The following IL17RE variants were observed in gnomAD, a reference collection of about 807,000 sequenced individuals.
The protein encoded by IL17RE is interleukin-17 receptor E.
In IL17RE, 47 loss-of-function variants were observed where a neutral mutation model predicts 70.7. The observed-to-expected ratio is 0.67, with a 90% CI of 0.53 to 0.85. The LOEUF is 0.85. Among genes scored for constraint, IL17RE ranks in the 40% least tolerant of loss-of-function variants. The pLI is 0.00. For missense variants in IL17RE, 850 were observed against 893.9 expected, an observed-to-expected ratio of 0.95 and a Z score of 0.63; for synonymous variants, 372 against 381.2, an observed-to-expected ratio of 0.98 and a Z score of 0.28.
At position 9,915,553 on chromosome 3, in the gene IL17RE, GC is replaced by G; in HGVS notation, c.1754del (p.Pro585ArgfsTer66). ...AAPLLALLHAAPRPLLLLAYF... is the reference protein window; with the variant it reads ...AAPLLALLHAXPRPLLLLAYF... ...GCCCCTGCTCGCCCTGCTCCACGCT[GC>G]CCCGCGCCCGCTGCTGCTGCTCGCT... is the stretch of plus-strand genomic sequence containing the variant. On this transcript the variant is annotated frameshift_variant, in exon 16 of 16. Transcript: ENST00000383814. LOFTEE classifies it low-confidence loss of function (END_TRUNC). This position sits in a 1 kb window ranked among gnomAD's most constrained non-coding sequence, Gnocchi z 4.9. 7.1e-7 allele frequency: 1 copy of G among 1,404,928 alleles called. No homozygotes were observed. The highest frequency in any genetic ancestry group is 9.2e-7 in the Non-Finnish European group (1 of 1,082,000). The allele number at this position is 1,404,928 out of a possible 1,614,324, so 87.0% of individuals were successfully genotyped here. A position where few individuals can be genotyped will look rare whatever the true frequency, so the allele number is the denominator to read the frequency against.
At chr3:9,911,628 C>CT in intron 12 of IL17RE, 31 bp downstream of exon 12, 1 of 1,593,576 alleles carries the variant, frequency 6.3e-7, no homozygotes, top group Non-Finnish European at 8.6e-7. Context: ...GGTCCTATTG[C>CT]TCAGAGCACA....
Position 9,903,078 on chromosome 3 carries a change from GCCA to G in IL17RE, c.132+15_132+17del. Reference sequence around the variant, plus strand: ...GCCTCCCACACGGTAAGGTGCTGCTGCCAGGTAGGGACACCTGCCTGGCACAGC... The same window carrying G: ...GCCTCCCACACGGTAAGGTGCTGCTGGGTAGGGACACCTGCCTGGCACAGC... On this transcript the variant is annotated intron_variant, in intron 1 of 15. Coordinates refer to ENST00000383814, the MANE Select transcript of IL17RE (RefSeq NM_153480.2). 3.7e-6 allele frequency: 6 copies of G among 1,606,346 alleles called. No homozygotes were observed. The highest frequency in any genetic ancestry group is 5.1e-6 in the Non-Finnish European group (6 of 1,173,218).
In IL17RE at chr3:9,915,154, A is replaced by G; in HGVS notation, c.1448-97A>G. The G allele has an allele frequency of 7.5e-7, 1 of 1,329,212 alleles. No individual in the cohort carries two copies. The highest frequency in any genetic ancestry group is 2.0e-5 in the South Asian group (1 of 49,352). 82.3% of individuals were successfully genotyped at this position (1,329,212 alleles called of 1,614,324 possible). On this transcript the variant is annotated intron_variant, in intron 15 of 15. Transcript: ENST00000383814. The surrounding 1 kb of genome is among the most constrained non-coding windows in gnomAD (Gnocchi z 4.9). ...AAATAAGGGGCGGGGGCGGGGGCGG[A>G]GAGGCGAGCACCCTACGGTATCCCG...
In IL17RE at chr3:9,903,885, A is replaced by G. The variant is rs113690033; in HGVS notation, c.149-147A>G. 1.3e-3 allele frequency: 1,230 copies of G among 933,738 alleles called. 10 individuals are homozygous for G. The African/African-American group carries it at 0.018, about 14-fold the overall frequency. 57.8% of individuals were successfully genotyped at this position (933,738 alleles called of 1,614,324 possible). On this transcript the variant is annotated intron_variant, in intron 2 of 15. Coordinates refer to ENST00000383814, the MANE Select transcript of IL17RE (RefSeq NM_153480.2). ...TTTTTATAACAGACCCGCTTTATGA[A>G]TGAGGAATCTGATCCTTAGACAGGT... is the stretch of plus-strand genomic sequence containing the variant.
At chr3:9,914,464 C>T (rs748061390) in intron 13 of IL17RE, 84 bp from the exon 14 acceptor site, 5 of 1,580,964 alleles carry the variant, frequency 3.2e-6, no homozygotes, top group South Asian at 1.2e-5. Context: ...GGGGACTCCC[C>T]TCTCCCCCAG....
In IL17RE at chr3:9,914,694, TG is replaced by T; in HGVS notation, c.1368del (p.Leu457SerfsTer2). Reference sequence around the variant, plus strand: ...CTTGACTCAGTCTCTTACAGACACCTGGGGCTCTTGATCCTGGCACTGCTGG... The same window carrying T: ...CTTGACTCAGTCTCTTACAGACACCTGGGCTCTTGATCCTGGCACTGCTGG... ...LLCPDVSYRH[L>X]GLLILALLAL... On this transcript the variant is annotated frameshift_variant, in exon 15 of 16. Transcript: ENST00000383814. LOFTEE classifies it high-confidence loss of function. 1 of 1,614,132 alleles carries T rather than the reference TG, an allele frequency of 6.2e-7. No homozygotes were observed. The highest frequency in any genetic ancestry group is 1.3e-5 in the African/African-American group (1 of 75,022).
Position 9,915,673 on chromosome 3 carries a change from C to G in IL17RE, c.1870C>G (p.Arg624Gly). The G allele has an allele frequency of 1.4e-6, 2 of 1,390,776 alleles. No individual in the cohort carries two copies. Among genetic ancestry groups the G allele is most frequent in the Non-Finnish European group, 1.8e-6 (2 of 1,082,248 alleles). The allele number at this position is 1,390,776 out of a possible 1,614,324, so 86.2% of individuals were successfully genotyped here. Reference protein sequence around the residue: ...RLLRDLPRLLRALDARPFAEA... With the variant: ...RLLRDLPRLLGALDARPFAEA... Reference sequence around the variant, plus strand: ...GCTGCGCGACCTGCCGCGTCTGCTGCGGGCGCTGGACGCGCGGCCTTTCGC... The same window carrying G: ...GCTGCGCGACCTGCCGCGTCTGCTGGGGGCGCTGGACGCGCGGCCTTTCGC... Residue 624 changes from arginine to glycine, a missense_variant, in exon 16 of 16, where the codon CGG becomes GGG. By Grantham distance (125) the Arg-to-Gly change is moderately radical (BLOSUM62 -2). Transcript: ENST00000383814. This position sits in a 1 kb window ranked among gnomAD's most constrained non-coding sequence, Gnocchi z 4.9.
chr3:9,915,386 A>G lies in IL17RE; in HGVS notation c.1583A>G (p.Glu528Gly). The G allele has an allele frequency of 7.3e-7, 1 of 1,365,148 alleles. No homozygotes were observed. The highest frequency in any genetic ancestry group is 9.4e-7 in the Non-Finnish European group (1 of 1,069,424). The allele number at this position is 1,365,148 out of a possible 1,614,324, so 84.6% of individuals were successfully genotyped here. The change falls in exon 16 of 16, where the codon GAG (glutamate) becomes GGG (glycine). Residue 528 changes from glutamate (E) to glycine (G), a missense_variant. Physicochemically the swap from Glu to Gly is moderately conservative, Grantham distance 98 (BLOSUM62 -2). Coordinates refer to ENST00000383814, the MANE Select transcript of IL17RE (RefSeq NM_153480.2). The surrounding 1 kb of genome is among the most constrained non-coding windows in gnomAD (Gnocchi z 4.9). ...GGRDVIVDLW[E>G]GRHVARVGPL... is the part of the protein sequence containing the mutation. ...CGCGACGTGATCGTGGACCTGTGGG[A>G]GGGGAGGCACGTGGCGCGCGTGGGC...
At chr3:9,903,205 TAGCCA>T in intron 1 of IL17RE, 141 bp downstream of exon 1, 1 of 962,196 alleles carries the variant, frequency 1.0e-6, no homozygotes, top group East Asian at 2.5e-5. Context: ...CTCAAAGGGG[TAGCCA>T]AGGTCCTTTG....
Position 9,904,048 on chromosome 3 carries a change from C to T in IL17RE, c.165C>T (p.Ile55=), listed in dbSNP as rs748629509. The change falls in exon 3 of 16, where the codon ATC becomes ATT. Residue 55 remains isoleucine (I), a synonymous_variant. Coordinates refer to ENST00000383814, the MANE Select transcript of IL17RE (RefSeq NM_153480.2). ...CTTTCCCAGGAAGTTCTGCCTATAT[C>T]CCTTGCCGCACCTGGTGGGCCCTCT... The part of the protein sequence containing the change: ...DDSFTGSSAY[I]PCRTWWALFS... The T allele has an allele frequency of 1.2e-6, 2 of 1,614,152 alleles. No individual in the cohort carries two copies. Among genetic ancestry groups the T allele is most frequent in the Non-Finnish European group, 1.7e-6 (2 of 1,180,004 alleles).
chr3:9,914,629 G>A, intron 14 of IL17RE, 30 bp downstream of exon 14: 2 of 1,613,308 alleles, frequency 1.2e-6, no homozygotes, highest in Non-Finnish European at 8.5e-7. Context: ...GAGGTAAGAG[G>A]GAGGCTGGGC....
intron 8 of IL17RE, chr3:9,909,642 A>T: frequency 8.5e-6 from 2 of 236,430 alleles, no homozygotes; most frequent in Middle Eastern, 1.4e-3. Context: ...GTAAAATCTC[A>T]ATACCTGCTC....
At chr3:9,902,801 G>T (rs2082665564), upstream of IL17RE, 1 of 1,559,704 alleles carries the variant, frequency 6.4e-7, no homozygotes, top group African/African-American at 1.4e-5. Flanking sequence ...GAGCTTTCGG[G>T]CAGGGCGGGG....
chr3:9,915,331 G>T lies in IL17RE; in HGVS notation c.1528G>T (p.Glu510Ter). The change falls in exon 16 of 16, where the codon GAA (glutamate) becomes TAA (stop). Residue 510 changes from glutamate to a stop codon, truncating the protein, a stop_gained. Transcript: ENST00000383814. LOFTEE classifies it low-confidence loss of function (END_TRUNC). This position sits in a 1 kb window ranked among gnomAD's most constrained non-coding sequence, Gnocchi z 4.9. ...AQRRLVGALA[E>*]LLRAALGGGR... Reference sequence around the variant, plus strand: ...GCGGCGCCTGGTGGGAGCGCTGGCTGAACTGCTACGGGCAGCGCTGGGCGG... The same window carrying T: ...GCGGCGCCTGGTGGGAGCGCTGGCTTAACTGCTACGGGCAGCGCTGGGCGG... 7.2e-7 allele frequency: 1 copy of T among 1,396,620 alleles called. No individual in the cohort carries two copies. The highest frequency in any genetic ancestry group is 9.2e-7 in the Non-Finnish European group (1 of 1,084,830). The allele number at this position is 1,396,620 out of a possible 1,614,324, so 86.5% of individuals were successfully genotyped here.
intron 8 of IL17RE, 58 bp downstream of exon 8, chr3:9,909,341 C>A (rs773392811): frequency 1.8e-5 from 25 of 1,386,310 alleles, no homozygotes; most frequent in Non-Finnish European, 2.2e-5. Flanking sequence ...TTTCTGTCTC[C>A]TACACACACA....
chr3:9,909,328 CTCTT>C (rs755636859), intron 8 of IL17RE, 45 bp downstream of exon 8: 59 of 1,472,148 alleles, frequency 4.0e-5, no homozygotes, highest in East Asian at 2.7e-4. Flanking sequence ...CATCCCCTTT[CTCTT>C]TCTGTCTCCT....
intron 6 of IL17RE, 52 bp from the exon 7 acceptor site, chr3:9,908,187 C>A: frequency 1.4e-6 from 2 of 1,475,440 alleles, no homozygotes; most frequent in African/African-American, 2.8e-5. Flanking sequence ...TGTCTATGTG[C>A]CCATGCTCTT....
chr3:9,907,161 C>A, intron 6 of IL17RE, 61 bp downstream of exon 6: 1 of 1,599,284 alleles, frequency 6.3e-7, no homozygotes, highest in Admixed American at 1.7e-5. Context: ...AAGAGGCCAC[C>A]CATTGTACAA....
chr3:9,910,763 T>C (rs2082871169), intron 8 of IL17RE, 102 bp from the exon 9 acceptor site: 2 of 959,184 alleles, frequency 2.1e-6, no homozygotes, highest in Non-Finnish European at 3.2e-6. Flanking sequence ...ATAGTGCTGG[T>C]TACTTTTACA....
Sources: allele counts gnomAD v4.1 joint callset, GRCh38; gene constraint gnomAD v4.1.1; non-coding constraint Gnocchi (gnomAD v3.1); transcripts MANE v1.5; gene names NCBI Gene and HGNC (gene_info 2026-07-23, HGNC 2026-07-21).